DNAH6: variants seen among roughly 807,000 people sequenced by gnomAD.
DNAH6 encodes dynein axonemal heavy chain 6, also known as axonemal beta dynein heavy chain 6.
Under a neutral mutation model 491.4 loss-of-function variants are expected in DNAH6, and 340 were observed. That is an observed-to-expected ratio of 0.69 (90% CI 0.63 to 0.76). DNAH6 has a LOEUF of 0.76. DNAH6 is among the 30% of genes least tolerant of loss of function. The probability of loss-of-function intolerance (pLI) is 0.00; values close to 1 mark genes in which losing one functional copy is unlikely to be tolerated. For missense variants in DNAH6, 4,443 were observed against 4,972.2 expected, an observed-to-expected ratio of 0.89 and a Z score of 3.20; for synonymous variants, 1,603 against 1,686.1, an observed-to-expected ratio of 0.95 and a Z score of 1.21.
At chr2:84,543,769 T>C (rs1678494927) in intron 4 of DNAH6, among the ~76,000 whole-genome samples, 1 of 152,208 alleles carries the variant, frequency 6.6e-6, no homozygotes. Flanking sequence ...ATTTTGTTGG[T>C]GATAAATTGG....
chr2:84,704,966 C>T (rs1696290157), intron 51 of DNAH6, among the ~76,000 whole-genome samples: 1 of 152,126 alleles, frequency 6.6e-6, no homozygotes, highest in South Asian at 2.1e-4. Flanking sequence ...CGGTAGGACC[C>T]AGAGAGCTCT....
rs1279683933 is a variant in DNAH6 at position 84,733,469 on chromosome 2, C to T, written c.10232C>T (p.Pro3411Leu). 1.3e-6 allele frequency: 2 copies of T among 1,551,134 alleles called. No individual in the cohort carries two copies. The highest frequency in any genetic ancestry group is 2.0e-5 in the Admixed American group (1 of 50,984). The change falls in exon 62 of 77, where the codon CCC (proline) becomes CTC (leucine). Residue 3411 changes from proline to leucine, a missense_variant. Coordinates refer to ENST00000389394, the MANE Select transcript of DNAH6 (RefSeq NM_001370.2). ...GAACGCCCACCTAAGCCTGAAGCTC[C>T]CTGGCTACCTACTGCTACATGGTTC... ...EKERPPKPEA[P>L]WLPTATWFAC...
chr2:84,620,252 C>A (rs1687264449), intron 24 of DNAH6, among the ~76,000 whole-genome samples: 1 of 152,170 alleles, frequency 6.6e-6, no homozygotes, highest in Non-Finnish European at 1.5e-5. Flanking sequence ...ATCCCTTAAT[C>A]TCAGCCAAAA....
intron 70 of DNAH6, among the ~76,000 whole-genome samples, chr2:84,804,842 G>T (rs1350650468): frequency 6.6e-6 from 1 of 151,986 alleles, no homozygotes; most frequent in Non-Finnish European, 1.5e-5. Flanking sequence ...TTGAAATAGG[G>T]CCTCCCTCTG....
intron 32 of DNAH6, 36 bp from the exon 33 acceptor site, chr2:84,641,911 C>G: frequency 6.7e-7 from 1 of 1,498,140 alleles, no homozygotes; most frequent in Non-Finnish European, 9.1e-7. Flanking sequence ...ACCTTATGTT[C>G]TTGTGATATT....
intron 72 of DNAH6, among the ~76,000 whole-genome samples, chr2:84,811,347 C>T (rs777619417): frequency 2.6e-5 from 4 of 152,188 alleles, no homozygotes; most frequent in African/African-American, 9.6e-5. Context: ...CACAACACTG[C>T]GACCCATGGG....
At chr2:84,654,871 A>G (rs185677128) in intron 35 of DNAH6, 89 bp downstream of exon 35, 18 of 1,376,850 alleles carry the variant, frequency 1.3e-5, no homozygotes, top group Non-Finnish European at 1.7e-5. Context: ...TTAAGGACTC[A>G]TGGTTCTTGA....
intron 64 of DNAH6, among the ~76,000 whole-genome samples, chr2:84,770,841 T>C (rs1468122842): frequency 6.6e-6 from 1 of 151,866 alleles, no homozygotes; most frequent in Non-Finnish European, 1.5e-5. Flanking sequence ...ATAATAATAA[T>C]TAGCCTGGCA....
chr2:84,535,725 T>C (rs1392885859), intron 4 of DNAH6, among the ~76,000 whole-genome samples: 2 of 151,010 alleles, frequency 1.3e-5, no homozygotes, highest in African/African-American at 4.9e-5. Context: ...TAGACCAACA[T>C]ATTAGATGAT....
chr2:84,565,005 A>G (rs1391117098), intron 11 of DNAH6, among the ~76,000 whole-genome samples: 1 of 152,188 alleles, frequency 6.6e-6, no homozygotes, highest in Non-Finnish European at 1.5e-5. Context: ...TGATTTGCAT[A>G]TGTTAAAACA....
At chr2:84,512,708 T>C (rs1247914982), upstream of DNAH6, among the ~76,000 whole-genome samples, 1 of 152,222 alleles carries the variant, frequency 6.6e-6, no homozygotes, top group African/African-American at 2.4e-5. Context: ...GTTTTAATTG[T>C]TCTAGCTTCT....
At chr2:84,471,380 G>T in the DNAH6 span, among the ~76,000 whole-genome samples, 1 of 152,046 alleles carries the variant, frequency 6.6e-6, no homozygotes, top group African/African-American at 2.4e-5. Context: ...TGAATGTTTC[G>T]CACATATCTC....
At chr2:84,508,980 A>T in the DNAH6 span, among the ~76,000 whole-genome samples, 3 of 152,150 alleles carry the variant, frequency 2.0e-5, no homozygotes, top group African/African-American at 7.2e-5. Context: ...GGAGTGCTTT[A>T]CTTCCTACTA....
In DNAH6 at chr2:84,557,857, A is replaced by G; in HGVS notation, c.1725A>G (p.Lys575=). The G allele has an allele frequency of 6.2e-7, 1 of 1,613,016 alleles. No homozygotes were observed. Among genetic ancestry groups the G allele is most frequent in the African/African-American group, 1.3e-5 (1 of 74,940 alleles). The change falls in exon 11 of 77, where the codon AAA becomes AAG. Residue 575 remains lysine, a synonymous_variant. Transcript: ENST00000389394. ...SPYINNKLEG[K]TCGTGPSLAA... ...ATATTAACAACAAACTTGAAGGAAA[A>G]ACCTGTGGAACTGGGCCAAGTTTAG...
At chr2:84,643,786 T>C (rs1052795067) in intron 33 of DNAH6, among the ~76,000 whole-genome samples, 5 of 152,348 alleles carry the variant, frequency 3.3e-5, no homozygotes, top group Admixed American at 6.5e-5. Context: ...CTGTCCATTT[T>C]ATCCATTAAA....
chr2:84,531,899 A>G (rs1677214007), intron 4 of DNAH6, among the ~76,000 whole-genome samples: 1 of 152,062 alleles, frequency 6.6e-6, no homozygotes, highest in African/African-American at 2.4e-5. Flanking sequence ...GTTCTTTGTA[A>G]GTTTTTGGTG....
intron 40 of DNAH6, among the ~76,000 whole-genome samples, chr2:84,675,207 T>C (rs574393032): frequency 5.3e-5 from 8 of 152,352 alleles, no homozygotes; most frequent in African/African-American, 1.9e-4. Flanking sequence ...TCAGAGCTGT[T>C]GATGTGCTCA....
chr2:84,465,419 C>T, the DNAH6 span, among the ~76,000 whole-genome samples: 7 of 151,966 alleles, frequency 4.6e-5, no homozygotes, highest in Non-Finnish European at 4.4e-5. Flanking sequence ...GGGGTGAACC[C>T]GGGAGGCGGA....
chr2:84,637,274 C>T lies in DNAH6; in HGVS notation c.4718C>T (p.Thr1573Ile), dbSNP rs1413325621. ...KLVMTCAAFI[T>I]MNPGYAGRTE... Reference sequence around the variant, plus strand: ...GTGATGACTTGTGCAGCCTTCATCACAATGAATCCTGGCTATGCAGGGAGA... The same window carrying T: ...GTGATGACTTGTGCAGCCTTCATCATAATGAATCCTGGCTATGCAGGGAGA... Residue 1573 changes from threonine to isoleucine, a missense_variant, in exon 31 of 77, where the codon ACA becomes ATA. Coordinates refer to ENST00000389394, the MANE Select transcript of DNAH6 (RefSeq NM_001370.2). The T allele has an allele frequency of 6.4e-7, 1 of 1,551,178 alleles. No individual in the cohort carries two copies. The highest frequency in any genetic ancestry group is 1.4e-5 in the African/African-American group (1 of 73,030).
Sources: allele counts gnomAD v4.1 joint callset (sites outside exome capture counted in the v4.1 genomes callset), GRCh38; gene constraint gnomAD v4.1.1; transcripts MANE v1.5; gene names NCBI Gene and HGNC (gene_info 2026-07-23, HGNC 2026-07-21).